The following ZBTB46 variants were observed in gnomAD, a reference collection of about 807,000 sequenced individuals.
The protein encoded by ZBTB46 is zinc finger and BTB domain-containing protein 46.
ZBTB46 carries 8 observed loss-of-function variants against 44.1 expected under a neutral mutation model. The observed-to-expected ratio is 0.18, with a 90% CI of 0.11 to 0.33. The LOEUF (loss-of-function observed/expected upper bound fraction) is 0.33, where lower values mean the gene tolerates loss of function less well. ZBTB46 is among the 10% of genes least tolerant of loss of function. The pLI, the probability that ZBTB46 is intolerant of heterozygous loss-of-function variation, is 1.00. For synonymous variants in ZBTB46, 409 were observed against 382.3 expected, an observed-to-expected ratio of 1.07 and a Z score of -0.81; for missense variants, 651 against 847.7, an observed-to-expected ratio of 0.77 and a Z score of 2.88.
chr20:63,778,338 A>G (rs7361427), intron 2 of ZBTB46, among the ~76,000 whole-genome samples: 83,399 of 151,874 alleles, frequency 0.55, 22,995 homozygotes, highest in South Asian at 0.62. Flanking sequence ...TGTATGCACG[A>G]TATCAAAACA....
At chr20:63,797,572 T>C (rs2092613515) in intron 1 of ZBTB46, among the ~76,000 whole-genome samples, 3 of 152,216 alleles carry the variant, frequency 2.0e-5, no homozygotes, top group Admixed American at 2.0e-4. Context: ...CTTGAGGAAT[T>C]GCCACACTGC....
intron 2 of ZBTB46, among the ~76,000 whole-genome samples, chr20:63,789,557 CA>C (rs2092542612): frequency 6.6e-6 from 1 of 152,240 alleles, no homozygotes; most frequent in African/African-American, 2.4e-5. Context: ...GGGCCCAGCC[CA>C]GGCAGCCCCC....
intron 3 of ZBTB46, among the ~76,000 whole-genome samples, chr20:63,758,580 C>T (rs2092245672): frequency 6.6e-6 from 1 of 151,992 alleles, no homozygotes; most frequent in African/African-American, 2.4e-5. Flanking sequence ...CCCCAGGTGC[C>T]CTTAGATCCC....
intron 1 of ZBTB46, among the ~76,000 whole-genome samples, chr20:63,791,852 G>A (rs1048492060): frequency 2.0e-4 from 30 of 152,322 alleles, no homozygotes; most frequent in Admixed American, 1.6e-3. Context: ...TTAGACTCAG[G>A]GATGTGAGTC....
At chr20:63,830,274 T>C (rs2092841418) in intron 1 of ZBTB46, among the ~76,000 whole-genome samples, 3 of 152,066 alleles carry the variant, frequency 2.0e-5, no homozygotes, top group Admixed American at 2.0e-4. Flanking sequence ...GAATTCCCCG[T>C]TTGCCTTAGG....
intron 1 of ZBTB46, among the ~76,000 whole-genome samples, chr20:63,825,642 G>A (rs1191637910): frequency 6.6e-6 from 1 of 152,122 alleles, no homozygotes; most frequent in East Asian, 1.9e-4. Context: ...TTATGAGTGT[G>A]TTTCTAGAAA....
At chr20:63,793,141 C>A (rs908900362) in intron 1 of ZBTB46, among the ~76,000 whole-genome samples, 5 of 152,362 alleles carry the variant, frequency 3.3e-5, no homozygotes, top group Non-Finnish European at 7.3e-5. Flanking sequence ...CCAGGTGCTG[C>A]CTCAACGGCG....
In ZBTB46 at chr20:63,752,937, C is replaced by T. The variant is rs1366992279; in HGVS notation, c.1223-76G>A. 3 of 1,469,722 alleles carry T rather than the reference C, an allele frequency of 2.0e-6. No homozygotes were observed. Among genetic ancestry groups the T allele is most frequent in the South Asian group, 2.7e-5 (2 of 75,278 alleles). The allele number at this position is 1,469,722 out of a possible 1,614,324, so 91.0% of individuals were successfully genotyped here. A position where few individuals can be genotyped will look rare whatever the true frequency, so the allele number is the denominator to read the frequency against. On this transcript the variant is annotated intron_variant, in intron 3 of 4. Transcript: ENST00000245663. The surrounding 1 kb of genome is among the most constrained non-coding windows in gnomAD (Gnocchi z 5.6). ...CTGCGGCCCACAGACCACGGCTGCA[C>T]GCCGCAGCCCAGCAGCCAGGACGGG... is the stretch of plus-strand genomic sequence containing the variant.
At chr20:63,802,842 C>T (rs4809347) in intron 1 of ZBTB46, among the ~76,000 whole-genome samples, 4 of 147,900 alleles carry the variant, frequency 2.7e-5, no homozygotes, top group Admixed American at 2.0e-4. Context: ...CCGCCGCGGC[C>T]GACGACCGAA....
chr20:63,799,320 G>C (rs570609932), intron 1 of ZBTB46, among the ~76,000 whole-genome samples: 1 of 150,238 alleles, frequency 6.7e-6, no homozygotes, highest in South Asian at 2.1e-4. Flanking sequence ...GACTACAGGC[G>C]TGAGTCATCA....
At position 63,787,157 on chromosome 20, in the gene ZBTB46, C is replaced by T. The variant is rs926974196; in HGVS notation, c.937+2664G>A. 5.9e-5 allele frequency among the ~76,000 whole-genome samples: 9 copies of T among 152,120 alleles called. No homozygotes were observed. Among genetic ancestry groups the T allele is most frequent in the Admixed American group, 1.3e-4 (2 of 15,264 alleles). On this transcript the variant is annotated intron_variant, in intron 2 of 4. Transcript: ENST00000245663. This position sits in a 1 kb window ranked among gnomAD's most constrained non-coding sequence, Gnocchi z 4.6. ...AAAGTTGTGATCGCAGAACTTCATG[C>T]GCCACAGAAGGGCATTTTGGTCAGG...
At chr20:63,824,184 C>T (rs1349577613) in intron 1 of ZBTB46, among the ~76,000 whole-genome samples, 1 of 152,078 alleles carries the variant, frequency 6.6e-6, no homozygotes, top group Non-Finnish European at 1.5e-5. Flanking sequence ...AATTCCGAGT[C>T]TTGTGGGTCT....
At position 63,790,367 on chromosome 20, in the gene ZBTB46, T is replaced by C. The variant is rs778148097; in HGVS notation, c.391A>G (p.Ile131Val). 18 of 1,613,222 alleles carry C rather than the reference T, an allele frequency of 1.1e-5. No individual in the cohort carries two copies. The highest frequency in any genetic ancestry group is 1.5e-5 in the Non-Finnish European group (18 of 1,179,924). Reference protein sequence around the residue: ...CHDFIKAALDISIKSDASDEL... With the variant: ...CHDFIKAALDVSIKSDASDEL... ...TCTGAGGCGTCCGACTTGATGCTGA[T>C]GTCCAGCGCCGCCTTGATGAAGTCG... is the stretch of plus-strand genomic sequence containing the variant. The change falls in exon 2 of 5, where the codon ATC (isoleucine) becomes GTC (valine). Residue 131 changes from isoleucine (I) to valine (V), a missense_variant. Ile to Val is a conservative substitution (Grantham distance 29). This residue lies in a region of ZBTB46 where 385 missense variants were observed against 423.3 expected (regional missense o/e 0.91). Coordinates refer to ENST00000245663, the MANE Select transcript of ZBTB46 (RefSeq NM_001369741.1).
intron 3 of ZBTB46, among the ~76,000 whole-genome samples, chr20:63,772,694 G>A (rs1298386811): frequency 6.6e-6 from 1 of 151,922 alleles, no homozygotes; most frequent in East Asian, 1.9e-4. Flanking sequence ...ACTCCAGCCT[G>A]GGCAAGAGAG....
chr20:63,809,878 C>T (rs2092707824), intron 1 of ZBTB46, among the ~76,000 whole-genome samples: 1 of 151,800 alleles, frequency 6.6e-6, no homozygotes, highest in South Asian at 2.1e-4. Flanking sequence ...TGGGAGGATC[C>T]CTTGAGTCGG....
At chr20:63,747,579 G>T (rs1463033900) in intron 4 of ZBTB46, among the ~76,000 whole-genome samples, 1 of 147,756 alleles carries the variant, frequency 6.8e-6, no homozygotes, top group African/African-American at 2.5e-5. Context: ...GGGGTTGGGG[G>T]GGCACAGCCT....
At chr20:63,779,825 G>C (rs1248754493) in intron 2 of ZBTB46, among the ~76,000 whole-genome samples, 5 of 152,042 alleles carry the variant, frequency 3.3e-5, no homozygotes, top group African/African-American at 1.2e-4. Context: ...CTCCCAAAGT[G>C]CTGGGATTAC....
chr20:63,748,374 T>C (rs1402773552), intron 4 of ZBTB46, among the ~76,000 whole-genome samples: 1 of 152,162 alleles, frequency 6.6e-6, no homozygotes, highest in Non-Finnish European at 1.5e-5. Context: ...GCTGGGGACA[T>C]GTGGCCCCAG....
At chr20:63,754,111 G>A (rs1568830989) in intron 3 of ZBTB46, among the ~76,000 whole-genome samples, 1 of 152,226 alleles carries the variant, frequency 6.6e-6, no homozygotes, top group Non-Finnish European at 1.5e-5. Context: ...GTGTGGCCAA[G>A]ACACAGAAAA....
Sources: gnomAD v4.1 joint callset for allele counts (sites outside exome capture counted in the v4.1 genomes callset) on GRCh38, gnomAD v4.1.1 for gene constraint, gnomAD v4.1.1 regional missense constraint, Gnocchi (gnomAD v3.1) non-coding constraint, MANE v1.5 for transcripts, NCBI Gene and HGNC (gene_info 2026-07-23, HGNC 2026-07-21) for gene names.